Variants in VAV3 observed in about 807,000 individuals in gnomAD.
VAV3 encodes the protein vav guanine nucleotide exchange factor 3.
VAV3 carries 94 observed loss-of-function variants against 131.2 expected under a neutral mutation model. The ratio of observed to expected loss-of-function variants is 0.72; its 90% CI spans 0.61 to 0.85. VAV3 has a LOEUF of 0.85. Among genes scored for constraint, VAV3 ranks in the 40% least tolerant of loss-of-function variants. VAV3 has a pLI of 0.00. For synonymous variants in VAV3, 349 were observed against 342.0 expected (o/e 1.02, Z -0.22); for missense variants, 939 against 1,002.7 (o/e 0.94, Z 0.86).
At chr1:107,754,203 GA>G (rs774488208) in intron 12 of VAV3, among the ~76,000 whole-genome samples, 9 of 152,122 alleles carry the variant, frequency 5.9e-5, no homozygotes, top group Non-Finnish European at 1.0e-4. Flanking sequence ...AATATTGACT[GA>G]ATCTTGAAGA....
At chr1:107,873,118 A>G (rs1670326861) in intron 2 of VAV3, among the ~76,000 whole-genome samples, 1 of 152,142 alleles carries the variant, frequency 6.6e-6, no homozygotes, top group Non-Finnish European at 1.5e-5. Flanking sequence ...TCTGTTTCAG[A>G]TCTACCACTG....
chr1:107,649,940 A>C (rs1656030589), intron 19 of VAV3, among the ~76,000 whole-genome samples: 3 of 152,088 alleles, frequency 2.0e-5, no homozygotes, highest in Admixed American at 2.0e-4. Context: ...AAAGTATCAT[A>C]AAGAACCACT....
intron 2 of VAV3, among the ~76,000 whole-genome samples, chr1:107,844,273 C>T (rs1210820255): frequency 2.6e-5 from 4 of 152,080 alleles, no homozygotes; most frequent in East Asian, 3.9e-4. Context: ...CCACGAGGGA[C>T]GGTGCTATCC....
chr1:107,826,937 A>T (rs1213906312), intron 2 of VAV3, among the ~76,000 whole-genome samples: 1 of 152,200 alleles, frequency 6.6e-6, no homozygotes, highest in Non-Finnish European at 1.5e-5. Flanking sequence ...AGTTTTTTAT[A>T]TTAAAAAGAT....
intron 20 of VAV3, among the ~76,000 whole-genome samples, chr1:107,625,114 C>T (rs892389917): frequency 2.6e-5 from 4 of 152,002 alleles, no homozygotes; most frequent in Non-Finnish European, 5.9e-5. Context: ...TCCAATGTCT[C>T]GGCTACCACC....
At chr1:107,682,761 A>G (rs1200305015) in intron 19 of VAV3, among the ~76,000 whole-genome samples, 1 of 152,164 alleles carries the variant, frequency 6.6e-6, no homozygotes, top group Non-Finnish European at 1.5e-5. Flanking sequence ...AAGCTACTCT[A>G]TTTCTCATGT....
chr1:107,907,816 T>C (rs188083414), intron 1 of VAV3, among the ~76,000 whole-genome samples: 1 of 152,318 alleles, frequency 6.6e-6, no homozygotes, highest in East Asian at 1.9e-4. Context: ...CTCTAGACTA[T>C]AAGAAATAAA....
chr1:107,849,506 T>C (rs1026187798), intron 2 of VAV3, among the ~76,000 whole-genome samples: 1 of 152,096 alleles, frequency 6.6e-6, no homozygotes, highest in African/African-American at 2.4e-5. Context: ...TAAATGGTGT[T>C]GGGAAAACTG....
At chr1:107,583,145 G>A (rs572727446) in intron 25 of VAV3, among the ~76,000 whole-genome samples, 9 of 152,202 alleles carry the variant, frequency 5.9e-5, no homozygotes, top group Non-Finnish European at 1.2e-4. Flanking sequence ...GTTTTGATTT[G>A]CATTTCTCTG....
chr1:107,891,372 T>C (rs1358961880), intron 1 of VAV3, among the ~76,000 whole-genome samples: 1 of 152,160 alleles, frequency 6.6e-6, no homozygotes, highest in Non-Finnish European at 1.5e-5. Context: ...ATTCAGGTTT[T>C]TGGTCATTAT....
At position 107,690,203 on chromosome 1, in the gene VAV3, C is replaced by A. The variant is rs1317253630; in HGVS notation, c.1706-1797G>T. 2.1e-4 allele frequency among the ~76,000 whole-genome samples: 32 copies of A among 152,126 alleles called. 1 individual carries two copies. Among genetic ancestry groups the A allele is most frequent in the Admixed American group, 2.1e-3 (32 of 15,266 alleles). ...GTTTTTAGGTCCTTGCAAAGTAAGT[C>A]TTTTACAACATACTTTAAATGTATT... On this transcript the variant is annotated intron_variant, in intron 17 of 26. Transcript: ENST00000370056.
rs1311726278 is a variant in VAV3 at position 107,668,446 on chromosome 1, C to T, written c.1777+15042G>A. On this transcript the variant is annotated intron_variant, in intron 19 of 26. Transcript: ENST00000370056. ...CTCATCTGTAAAATGGGCATAATAC[C>T]TCTCACAGCTTTGTTGTGAAATTAA... 2.0e-5 allele frequency among the ~76,000 whole-genome samples: 3 copies of T among 152,176 alleles called. No individual in the cohort carries two copies. In the East Asian group the frequency reaches 5.8e-4, roughly 29 times the overall value.
At chr1:107,814,170 G>A (rs952790392) in intron 2 of VAV3, among the ~76,000 whole-genome samples, 1 of 152,028 alleles carries the variant, frequency 6.6e-6, no homozygotes, top group East Asian at 1.9e-4. Context: ...TAAATACCCA[G>A]TCAGTAGCGA....
chr1:107,945,092 A>G (rs554037711), intron 1 of VAV3, among the ~76,000 whole-genome samples: 11 of 152,194 alleles, frequency 7.2e-5, no homozygotes, highest in Non-Finnish European at 1.3e-4. Flanking sequence ...AGATGATTCT[A>G]TGCCCAGCCA....
At chr1:107,889,132 A>AGTGTGTGTGTGTGTGTGTGTGTGT (rs5776903) in intron 1 of VAV3, among the ~76,000 whole-genome samples, 14 of 142,038 alleles carry the variant, frequency 9.9e-5, no homozygotes, top group East Asian at 2.1e-4. Flanking sequence ...TCCTGTGTAG[A>AGTGTGTGTGTGTGTGTGTGTGTGT]GTGTGTGTGT....
intron 12 of VAV3, among the ~76,000 whole-genome samples, chr1:107,753,295 A>G (rs1020136502): frequency 6.6e-6 from 1 of 150,560 alleles, no homozygotes; most frequent in Admixed American, 6.6e-5. Context: ...GGTAGTTTCC[A>G]GGGGCCAGGG....
At chr1:107,654,989 C>T (rs1656435740) in intron 19 of VAV3, among the ~76,000 whole-genome samples, 1 of 152,002 alleles carries the variant, frequency 6.6e-6, no homozygotes, top group Non-Finnish European at 1.5e-5. Flanking sequence ...TATAAATCAT[C>T]TGGTAGGCAG....
At position 107,751,153 on chromosome 1, in the gene VAV3, C is replaced by A; in HGVS notation, c.1223G>T (p.Arg408Leu). 6.2e-7 allele frequency: 1 copy of A among 1,612,798 alleles called. No homozygotes were observed. Among genetic ancestry groups the A allele is most frequent in the Non-Finnish European group, 8.5e-7 (1 of 1,179,606 alleles). ...FGRPQGDGEI[R>L]ITTLDKHTKQ... ...GGTATGCTTGTCTAGAGTGGTTATT[C>A]GAATTTCACCATCTCCCTGAGGTCG... Residue 408 changes from arginine to leucine, a missense_variant, in exon 13 of 27, where the codon CGA (arginine) becomes CTA (leucine). Transcript: ENST00000370056.
chr1:107,771,843 C>A (rs1208594575), intron 5 of VAV3, among the ~76,000 whole-genome samples: 1 of 152,190 alleles, frequency 6.6e-6, no homozygotes, highest in South Asian at 2.1e-4. Context: ...TATTCGGTCA[C>A]CTAAAAATGT....
Sources: allele counts gnomAD v4.1 joint callset (sites outside exome capture counted in the v4.1 genomes callset), GRCh38; gene constraint gnomAD v4.1.1; transcripts MANE v1.5; gene names NCBI Gene and HGNC (gene_info 2026-07-23, HGNC 2026-07-21).